SLC1A2: variants seen among roughly 807,000 people sequenced by gnomAD.
SLC1A2 encodes excitatory amino acid transporter 2.
SLC1A2 carries 15 observed loss-of-function variants against 48.8 expected under a neutral mutation model. The observed-to-expected ratio is 0.31, with a 90% CI of 0.21 to 0.47. SLC1A2 has a LOEUF of 0.47. Among genes scored for constraint, SLC1A2 ranks in the 20% least tolerant of loss-of-function variants. SLC1A2 has a pLI of 0.99. For missense variants in SLC1A2, 502 were observed against 730.5 expected (o/e 0.69, Z 3.61); for synonymous variants, 279 against 272.6 (o/e 1.02, Z -0.23).
rs549936320 is a variant in SLC1A2 at position 35,376,176 on chromosome 11, T to C, written c.17+42774A>G. On this transcript the variant is annotated intron_variant, in intron 1 of 10. Coordinates refer to ENST00000278379, the MANE Select transcript of SLC1A2 (RefSeq NM_004171.4). ...GGAGAAAATATTAGACAATCCCAGATTGAGAGGTATTCTATTAAAAAAAAA... is the reference window on the plus strand; with the variant it reads ...GGAGAAAATATTAGACAATCCCAGACTGAGAGGTATTCTATTAAAAAAAAA... 4.0e-5 allele frequency among the ~76,000 whole-genome samples: 6 copies of C among 148,470 alleles called. No individual in the cohort carries two copies. The South Asian group carries it at 1.1e-3, about 27-fold the overall frequency.
intron 1 of SLC1A2, among the ~76,000 whole-genome samples, chr11:35,347,129 T>G (rs1283645605): frequency 2.6e-5 from 4 of 151,220 alleles, no homozygotes; most frequent in Non-Finnish European, 4.4e-5. Flanking sequence ...GAAAAAAGAG[T>G]TTGGGAGGGA....
intron 1 of SLC1A2, among the ~76,000 whole-genome samples, chr11:35,404,949 G>A (rs112452861): frequency 2.0e-5 from 3 of 152,066 alleles, no homozygotes; most frequent in East Asian, 1.9e-4. Context: ...TCTGAATCTA[G>A]GAGGATTCTA....
intron 1 of SLC1A2, among the ~76,000 whole-genome samples, chr11:35,366,888 C>T (rs1018144989): frequency 6.6e-6 from 1 of 152,154 alleles, no homozygotes; most frequent in African/African-American, 2.4e-5. Context: ...TGCAGTTGCC[C>T]TGCAACCAAT....
rs201446570 is a variant in SLC1A2 at position 35,301,599 on chromosome 11, C to T, written c.777G>A (p.Met259Ile). ...FIAFGIAMGK[M>I]GDQAKLMVDF... ...CCACCATCAGCTTGGCCTGATCTCC[C>T]ATCTTCCCCATAGCGATGCCAAAAG... The change falls in exon 6 of 11, where the codon ATG becomes ATA. Residue 259 changes from methionine to isoleucine, a missense_variant. Physicochemically the swap from Met to Ile is conservative, Grantham distance 10. Transcript: ENST00000278379. 3.7e-6 allele frequency: 6 copies of T among 1,613,806 alleles called. No individual in the cohort carries two copies. In the East Asian group the frequency reaches 1.3e-4, roughly 36 times the overall value.
rs573682639 is a variant in SLC1A2 at position 35,377,753 on chromosome 11, C to A, written c.17+41197G>T. ...ATAGGCATATTCATGCTGATTATTCCATTGACTTTGCCTGTCGTATTTGTC... is the reference window on the plus strand; with the variant it reads ...ATAGGCATATTCATGCTGATTATTCAATTGACTTTGCCTGTCGTATTTGTC... On this transcript the variant is annotated intron_variant, in intron 1 of 10. Coordinates refer to ENST00000278379, the MANE Select transcript of SLC1A2 (RefSeq NM_004171.4). Among the ~76,000 whole-genome samples, 3 of 152,348 alleles carry A rather than the reference C, an allele frequency of 2.0e-5. No homozygotes were observed. In the South Asian group the frequency reaches 6.2e-4, roughly 32 times the overall value.
At chr11:35,382,384 A>G (rs781096514) in intron 1 of SLC1A2, among the ~76,000 whole-genome samples, 22 of 152,278 alleles carry the variant, frequency 1.4e-4, no homozygotes, top group Non-Finnish European at 2.8e-4. Context: ...AAGATGGGCC[A>G]CAGGGGCAAC....
At chr11:35,378,738 C>T (rs1854321965) in intron 1 of SLC1A2, among the ~76,000 whole-genome samples, 1 of 152,194 alleles carries the variant, frequency 6.6e-6, no homozygotes, top group Non-Finnish European at 1.5e-5. Context: ...TGTCTCCAGA[C>T]TAATATATAA....
In SLC1A2 at chr11:35,367,709, C is replaced by T. The variant is rs565686601; in HGVS notation, c.18-50193G>A. Reference sequence around the variant, plus strand: ...GAAAACTGCTCACAGGCTATCACAGCATTTCTCATGCTTGAGTCATTCATG... The same window carrying T: ...GAAAACTGCTCACAGGCTATCACAGTATTTCTCATGCTTGAGTCATTCATG... On this transcript the variant is annotated intron_variant, in intron 1 of 10. Coordinates refer to ENST00000278379, the MANE Select transcript of SLC1A2 (RefSeq NM_004171.4). Among the ~76,000 whole-genome samples, 92 of 152,336 alleles carry T rather than the reference C, an allele frequency of 6.0e-4. 1 individual carries two copies. The South Asian group carries it at 0.014, about 24-fold the overall frequency.
intron 8 of SLC1A2, among the ~76,000 whole-genome samples, chr11:35,284,664 T>C (rs1374116668): frequency 1.3e-5 from 2 of 152,104 alleles, no homozygotes; most frequent in African/African-American, 4.8e-5. Context: ...TCTTCTGGAA[T>C]GGTTAGAAGG....
At chr11:35,360,607 C>T (rs1271796158) in intron 1 of SLC1A2, among the ~76,000 whole-genome samples, 1 of 152,180 alleles carries the variant, frequency 6.6e-6, no homozygotes, top group African/African-American at 2.4e-5. Flanking sequence ...TTTTAAGGCC[C>T]AGAGATGCCC....
Position 35,252,639 on chromosome 11 carries a change from C to A in SLC1A2, c.*8255G>T, listed in dbSNP as rs1417605069. On this transcript the variant is annotated 3_prime_UTR_variant, in exon 11 of 11. Transcript: ENST00000278379. ...TCTTCACTCATATATATTCCCAAGC[C>A]ACACTGAGAAAGAGGAGAAATGATT... The A allele has an allele frequency of 6.6e-6, 1 of 152,152 alleles. No individual in the cohort carries two copies. The highest frequency in any genetic ancestry group is 1.5e-5 in the Non-Finnish European group (1 of 68,032). The allele number at this position is 152,152 out of a possible 1,614,324, so 9.4% of individuals were successfully genotyped here.
At chr11:35,267,144 C>T (rs1040459756) in intron 9 of SLC1A2, among the ~76,000 whole-genome samples, 1 of 152,172 alleles carries the variant, frequency 6.6e-6, no homozygotes, top group African/African-American at 2.4e-5. Flanking sequence ...TTGAGGTCAT[C>T]CACAAAATCG....
intron 1 of SLC1A2, among the ~76,000 whole-genome samples, chr11:35,332,328 G>T (rs367763492): frequency 6.6e-6 from 1 of 152,196 alleles, no homozygotes; most frequent in Non-Finnish European, 1.5e-5. Context: ...GAGGTGAAAA[G>T]CCTTCATCCC....
chr11:35,292,137 A>C (rs1851029443), intron 7 of SLC1A2, 150 bp downstream of exon 7: 2 of 676,044 alleles, frequency 3.0e-6, no homozygotes, highest in South Asian at 1.9e-5. Flanking sequence ...GGAGACAAAA[A>C]TTCAAATCAT....
intron 1 of SLC1A2, among the ~76,000 whole-genome samples, chr11:35,332,428 G>T (rs1206492438): frequency 2.6e-5 from 4 of 152,206 alleles, no homozygotes; most frequent in Non-Finnish European, 5.9e-5. Context: ...GACTTATCAG[G>T]TTGACTCTTA....
At position 35,260,904 on chromosome 11, in the gene SLC1A2, C is replaced by T. The variant is rs766885690; in HGVS notation, c.1715G>A (p.Arg572His). The T allele has an allele frequency of 2.3e-5, 37 of 1,612,294 alleles. 1 individual carries two copies. In the South Asian group the frequency reaches 2.3e-4, roughly 10 times the overall value. The part of the protein sequence containing the change: ...DCSVEEEPWK[R>H]EK ...CTGAGACTCATATCCTTATTTCTCA[C>T]GTTTCCAAGGTTCTTCCTCAACACT... The change falls in exon 11 of 11, where the codon CGT becomes CAT. Residue 572 changes from arginine to histidine, a missense_variant. Physicochemically the swap from Arg to His is conservative, Grantham distance 29. Around this residue, in one of 4 missense-constraint regions of SLC1A2, gnomAD observed 102 missense variants for 107.2 expected, o/e 0.95. Transcript: ENST00000278379.
intron 1 of SLC1A2, among the ~76,000 whole-genome samples, chr11:35,341,683 G>T (rs561319179): frequency 1.3e-5 from 2 of 152,260 alleles, no homozygotes; most frequent in African/African-American, 4.8e-5. Context: ...GTCCAAACCG[G>T]TATTGGGTGT....
intron 1 of SLC1A2, chr11:35,392,417 C>T (rs4534557): frequency 6.6e-6 from 1 of 152,084 alleles, no homozygotes; most frequent in Non-Finnish European, 1.5e-5. Context: ...CCCCATGTGT[C>T]CAGGGCGGTG....
At chr11:35,377,081 A>G (rs1854261878) in intron 1 of SLC1A2, among the ~76,000 whole-genome samples, 1 of 152,204 alleles carries the variant, frequency 6.6e-6, no homozygotes. Flanking sequence ...CCCCCCTTCC[A>G]ATGTGCGGGG....
Sources: allele counts gnomAD v4.1 joint callset (sites outside exome capture counted in the v4.1 genomes callset), GRCh38; gene constraint gnomAD v4.1.1; regional missense constraint gnomAD v4.1.1; transcripts MANE v1.5; gene names NCBI Gene and HGNC (gene_info 2026-07-23, HGNC 2026-07-21).